TP63: variants seen among roughly 807,000 people sequenced by gnomAD.
The protein encoded by TP63 is tumor protein p63, also known as tumor protein 63.
Under a neutral mutation model 82.8 loss-of-function variants are expected in TP63, and 17 were observed. That is an observed-to-expected ratio of 0.21 (90% CI 0.14 to 0.31). The LOEUF is 0.31. TP63 is among the 10% of genes least tolerant of loss of function. The pLI is 1.00. For missense variants in TP63, 648 were observed against 895.3 expected (o/e 0.72, Z 3.52); for synonymous variants, 330 against 321.7 (o/e 1.03, Z -0.28).
intron 3 of TP63, among the ~76,000 whole-genome samples, chr3:189,761,324 A>C (rs575210073): frequency 6.6e-6 from 1 of 152,174 alleles, no homozygotes. Context: ...CACCCAAGTC[A>C]CTTCTTAAAT....
intron 1 of TP63, among the ~76,000 whole-genome samples, chr3:189,703,944 T>G (rs1018661685): frequency 9.2e-5 from 14 of 152,220 alleles, no homozygotes; most frequent in Non-Finnish European, 1.8e-4. Flanking sequence ...TCAAGTTCTC[T>G]AATAAACATT....
At chr3:189,629,314 G>A (rs1729384308), upstream of TP63, among the ~76,000 whole-genome samples, 1 of 152,112 alleles carries the variant, frequency 6.6e-6, no homozygotes, top group African/African-American at 2.4e-5. Flanking sequence ...AGCCCAGGAG[G>A]TTGAGGCTGC....
chr3:189,759,796 T>C (rs1458903155), intron 3 of TP63, among the ~76,000 whole-genome samples: 2 of 152,208 alleles, frequency 1.3e-5, no homozygotes, highest in Admixed American at 1.3e-4. Context: ...TATTACTCCA[T>C]TTTCATGCTG....
At chr3:189,739,785 C>CTT (rs200515220) in intron 3 of TP63, among the ~76,000 whole-genome samples, 4,093 of 126,454 alleles carry the variant, frequency 0.032, 70 homozygotes, top group Admixed American at 0.055. Context: ...GGTGGGTTTT[C>CTT]TTTTTTTTTT....
intron 1 of TP63, among the ~76,000 whole-genome samples, chr3:189,714,610 T>G (rs776911856): frequency 2.0e-5 from 3 of 152,180 alleles, no homozygotes; most frequent in Non-Finnish European, 4.4e-5. Context: ...CTCTCACTGA[T>G]GTACACCACA....
chr3:189,789,330 C>A (rs1724887117), intron 3 of TP63, among the ~76,000 whole-genome samples: 1 of 151,978 alleles, frequency 6.6e-6, no homozygotes, highest in Non-Finnish European at 1.5e-5. Context: ...AGTAAAATAA[C>A]TTTCTGAAAT....
At chr3:189,821,732 T>G (rs570694305) in intron 4 of TP63, among the ~76,000 whole-genome samples, 1 of 152,316 alleles carries the variant, frequency 6.6e-6, no homozygotes, top group Non-Finnish European at 1.5e-5. Flanking sequence ...ACATTGGAAT[T>G]TAGACTTCAG....
chr3:189,637,398 A>G (rs1185446424), intron 1 of TP63, among the ~76,000 whole-genome samples: 1 of 152,150 alleles, frequency 6.6e-6, no homozygotes, highest in African/African-American at 2.4e-5. Context: ...GTCTTCATGT[A>G]AGCATACCTC....
chr3:189,646,432 A>G (rs755220788), intron 1 of TP63, among the ~76,000 whole-genome samples: 1 of 147,510 alleles, frequency 6.8e-6, no homozygotes, highest in South Asian at 2.2e-4. Context: ...CTTCTCTGAT[A>G]CAACTTTATA....
intron 4 of TP63, among the ~76,000 whole-genome samples, chr3:189,811,669 T>C (rs1340524711): frequency 6.6e-6 from 1 of 152,222 alleles, no homozygotes; most frequent in African/African-American, 2.4e-5. Context: ...ATATTTATCT[T>C]AGTTGAGCCT....
chr3:189,765,432 G>GATTTTTTTTTTTTTTT (rs1560167431), intron 3 of TP63, among the ~76,000 whole-genome samples: 1 of 6,186 alleles, frequency 1.6e-4, no homozygotes, highest in Non-Finnish European at 3.7e-4. Context: ...CCTGTCCTCT[G>GATTTTTTTTTTTTTTT]CTTTTTTTTT....
chr3:189,890,802 T>C lies in TP63; in HGVS notation c.1666T>C (p.Leu556=), dbSNP rs1198677420. Residue 556 remains leucine (L), a synonymous_variant, in exon 13 of 14, where the codon TTG becomes CTG. Coordinates refer to ENST00000264731, the MANE Select transcript of TP63 (RefSeq NM_003722.5). ...DCSIVSFLAR[L]GCSSCLDYFT... ...CTCCCTCTGCAGTTTCTTAGCGAGGTTGGGCTGTTCATCATGTCTGGACTA... is the reference window on the plus strand; with the variant it reads ...CTCCCTCTGCAGTTTCTTAGCGAGGCTGGGCTGTTCATCATGTCTGGACTA... The C allele has an allele frequency of 1.2e-6, 2 of 1,614,110 alleles. No homozygotes were observed. The highest frequency in any genetic ancestry group is 1.7e-5 in the Admixed American group (1 of 60,024).
intron 1 of TP63, among the ~76,000 whole-genome samples, chr3:189,693,804 G>A (rs1717132003): frequency 6.6e-6 from 1 of 152,142 alleles, no homozygotes; most frequent in African/African-American, 2.4e-5. Flanking sequence ...ACGGTGCCTG[G>A]TGTTCTCATT....
chr3:189,855,273 A>G (rs1716144061), intron 4 of TP63, among the ~76,000 whole-genome samples: 2 of 152,200 alleles, frequency 1.3e-5, no homozygotes, highest in Non-Finnish European at 2.9e-5. Flanking sequence ...CATTTTAAAA[A>G]TCACATTTAG....
chr3:189,862,727 T>A (rs1457288406), intron 4 of TP63, among the ~76,000 whole-genome samples: 1 of 152,226 alleles, frequency 6.6e-6, no homozygotes, highest in Non-Finnish European at 1.5e-5. Flanking sequence ...ACAAGTTCTG[T>A]GTAAGTCTTT....
intron 1 of TP63, among the ~76,000 whole-genome samples, chr3:189,736,300 G>A (rs1720590813): frequency 6.6e-6 from 1 of 151,680 alleles, no homozygotes; most frequent in Non-Finnish European, 1.5e-5. Flanking sequence ...TAATCTCCCA[G>A]CATTCTCTGC....
intron 3 of TP63, among the ~76,000 whole-genome samples, chr3:189,775,156 G>A (rs1187749011): frequency 6.7e-6 from 1 of 148,438 alleles, no homozygotes; most frequent in South Asian, 2.1e-4. Context: ...GGAGGCGGAG[G>A]TTGTGGTGAG....
chr3:189,614,060 G>A, the TP63 span, among the ~76,000 whole-genome samples: 1 of 152,112 alleles, frequency 6.6e-6, no homozygotes, highest in African/African-American at 2.4e-5. Flanking sequence ...TAGGACTCTT[G>A]GGAAGGCATG....
At chr3:189,622,358 G>A in the TP63 span, among the ~76,000 whole-genome samples, 17,352 of 152,208 alleles carry the variant, frequency 0.11, 1,332 homozygotes, top group East Asian at 0.4. Context: ...AAGCAAAAAT[G>A]TGGTCATAAA....
Sources: gnomAD v4.1 joint callset for allele counts (sites outside exome capture counted in the v4.1 genomes callset) on GRCh38, gnomAD v4.1.1 for gene constraint, MANE v1.5 for transcripts, NCBI Gene and HGNC (gene_info 2026-07-23, HGNC 2026-07-21) for gene names.